ST14: variants seen among roughly 807,000 people sequenced by gnomAD.
The protein encoded by ST14 is suppressor of tumorigenicity 14 protein.
Under a neutral mutation model 96.5 loss-of-function variants are expected in ST14, and 40 were observed. The ratio of observed to expected loss-of-function variants is 0.41; its 90% CI spans 0.32 to 0.54. The LOEUF is 0.54. Ranked by LOEUF, ST14 falls within the 20% of genes least tolerant of loss-of-function variation. The pLI is 0.17. For synonymous variants in ST14, 506 were observed against 492.1 expected (o/e 1.03, Z -0.37); for missense variants, 1,066 against 1,188.9 (o/e 0.90, Z 1.52).
Position 130,188,059 on chromosome 11 carries a change from G to C in ST14, c.82-55G>C, listed in dbSNP as rs2136211671. The C allele has an allele frequency of 4.4e-6, 7 of 1,601,102 alleles. No homozygotes were observed. Among genetic ancestry groups the C allele is most frequent in the Non-Finnish European group, 6.0e-6 (7 of 1,170,708 alleles). On this transcript the variant is annotated intron_variant, in intron 1 of 18. Transcript: ENST00000278742. The surrounding 1 kb of genome is among the most constrained non-coding windows in gnomAD (Gnocchi z 5.4). ...AAATGTGAACATCTTCCCCAGCGGG[G>C]TGCAGGGGAAGAGCGGGTGAGAGGG...
chr11:130,164,894 T>C (rs7123830), intron 1 of ST14, among the ~76,000 whole-genome samples: 1 of 151,780 alleles, frequency 6.6e-6, no homozygotes, highest in Non-Finnish European at 1.5e-5. Context: ...TGCACCACCA[T>C]GCACGGCTAA....
rs1434659578 is a variant in ST14 at position 130,194,707 on chromosome 11, A to C, written c.1083A>C (p.Pro361=). The stretch of plus-strand genomic sequence containing the variant: ...GCCCCTACTACCCAGGCCACTACCC[A>C]CCCAACATTGACTGCACATGGAACA... ...FNSPYYPGHY[P]PNIDCTWNIE... Residue 361 remains proline, a synonymous_variant, in exon 9 of 19, where the codon CCA becomes CCC. Transcript: ENST00000278742. 1 of 1,613,982 alleles carries C rather than the reference A, an allele frequency of 6.2e-7. No individual in the cohort carries two copies. Among genetic ancestry groups the C allele is most frequent in the Non-Finnish European group, 8.5e-7 (1 of 1,180,002 alleles).
chr11:130,166,424 G>T (rs116288760), intron 1 of ST14, among the ~76,000 whole-genome samples: 15 of 152,314 alleles, frequency 9.8e-5, no homozygotes, highest in African/African-American at 3.4e-4. Context: ...TGTGCCTAAG[G>T]GGGGGTCTGT....
chr11:130,194,813 TG>T (rs1953342281), intron 9 of ST14, 76 bp downstream of exon 9: 1 of 1,363,708 alleles, frequency 7.3e-7, no homozygotes, highest in South Asian at 1.2e-5. Flanking sequence ...CCTGTGCAGA[TG>T]TGTGTGGATG....
intron 16 of ST14, among the ~76,000 whole-genome samples, chr11:130,208,088 TAAATA>T (rs972037559): frequency 1.4e-4 from 22 of 152,224 alleles, no homozygotes; most frequent in Non-Finnish European, 2.4e-4. Flanking sequence ...AATAAATAAA[TAAATA>T]AATTATTTGG....
chr11:130,171,660 A>G lies in ST14; in HGVS notation c.81+11600A>G, dbSNP rs150416513. Reference sequence around the variant, plus strand: ...ACAAGGTCAGACTTTTATTGATGCAATTTCAATCATAAACACCACTAGCCA... The same window carrying G: ...ACAAGGTCAGACTTTTATTGATGCAGTTTCAATCATAAACACCACTAGCCA... On this transcript the variant is annotated intron_variant, in intron 1 of 18. Coordinates refer to ENST00000278742, the MANE Select transcript of ST14 (RefSeq NM_021978.4). Among the ~76,000 whole-genome samples, 12 of 152,204 alleles carry G rather than the reference A, an allele frequency of 7.9e-5. No individual in the cohort carries two copies. In the East Asian group the frequency reaches 2.3e-3, roughly 29 times the overall value.
chr11:130,195,971 A>G (rs560802928), intron 9 of ST14, among the ~76,000 whole-genome samples: 3 of 152,112 alleles, frequency 2.0e-5, no homozygotes, highest in Non-Finnish European at 4.4e-5. Context: ...AGCCTGACCA[A>G]CATGGTGAAA....
chr11:130,164,000 TG>T (rs1953022668), intron 1 of ST14, among the ~76,000 whole-genome samples: 1 of 152,208 alleles, frequency 6.6e-6, no homozygotes, highest in Non-Finnish European at 1.5e-5. Context: ...TGCCTACTGC[TG>T]TGGCCAGTGG....
chr11:130,206,049 T>C (rs995830152), intron 16 of ST14, among the ~76,000 whole-genome samples: 1 of 152,224 alleles, frequency 6.6e-6, no homozygotes, highest in Non-Finnish European at 1.5e-5. Context: ...GGTCACGCCT[T>C]GTATTTAGTC....
chr11:130,198,454 T>G (rs1591893118), intron 13 of ST14, 36 bp downstream of exon 13: 2 of 1,606,964 alleles, frequency 1.2e-6, no homozygotes, highest in African/African-American at 2.7e-5. Flanking sequence ...GGCGGGCAGG[T>G]GGGCGGGGCG....
chr11:130,200,585 C>T (rs978771302), intron 16 of ST14, among the ~76,000 whole-genome samples: 4 of 152,222 alleles, frequency 2.6e-5, no homozygotes, highest in Non-Finnish European at 4.4e-5. Context: ...CACGCCCCAC[C>T]TCCAACACTG....
chr11:130,164,538 C>A (rs941720458), intron 1 of ST14, among the ~76,000 whole-genome samples: 2 of 151,604 alleles, frequency 1.3e-5, no homozygotes, highest in African/African-American at 4.9e-5. Flanking sequence ...CCTGCCTCAG[C>A]TTTCTCAGTA....
At chr11:130,208,349 C>T (rs945949114) in intron 16 of ST14, 61 bp from the exon 17 acceptor site, 26 of 1,611,236 alleles carry the variant, frequency 1.6e-5, no homozygotes, top group Non-Finnish European at 2.2e-5. Context: ...CGCGCGGGGC[C>T]GCGAGGCCGT....
chr11:130,182,620 G>A (rs1190350916), intron 1 of ST14, among the ~76,000 whole-genome samples: 2 of 150,218 alleles, frequency 1.3e-5, no homozygotes, highest in Non-Finnish European at 3.0e-5. Flanking sequence ...GTGCAAGTGT[G>A]AGCCACCATG....
rs572639842 is a variant in ST14, at chr11:130,196,928, C to T, written c.1354+228C>T. 1.3e-5 allele frequency: 8 copies of T among 625,944 alleles called. No homozygotes were observed. In the South Asian group the frequency reaches 1.3e-4, roughly 10 times the overall value. 38.8% of individuals were successfully genotyped at this position (625,944 alleles called of 1,614,324 possible). On this transcript the variant is annotated intron_variant, in intron 11 of 18. Coordinates refer to ENST00000278742, the MANE Select transcript of ST14 (RefSeq NM_021978.4). The stretch of plus-strand genomic sequence containing the variant: ...CACTGTGTCCTTCTGGGTTGCAGTC[C>T]CAGCATGAGGTACCTGCGGCTGGAG...
chr11:130,197,622 A>C (rs1485250249), intron 11 of ST14, among the ~76,000 whole-genome samples: 1 of 152,176 alleles, frequency 6.6e-6, no homozygotes, highest in Non-Finnish European at 1.5e-5. Flanking sequence ...CTGCCAGCCC[A>C]GGTTGGGGTC....
In ST14 at chr11:130,188,829, C is replaced by A. The variant is rs376181098; in HGVS notation, c.370-40C>A. Reference sequence around the variant, plus strand: ...CAGCCCGGGCTTGGGGCAGGGTCATCGCCGCATGGGGCTCACCTTGAGTCT... The same window carrying A: ...CAGCCCGGGCTTGGGGCAGGGTCATAGCCGCATGGGGCTCACCTTGAGTCT... On this transcript the variant is annotated intron_variant, in intron 3 of 18. Transcript: ENST00000278742. This position sits in a 1 kb window ranked among gnomAD's most constrained non-coding sequence, Gnocchi z 5.4. 5 of 1,607,022 alleles carry A rather than the reference C, an allele frequency of 3.1e-6. No homozygotes were observed. Among genetic ancestry groups the A allele is most frequent in the East Asian group, 4.5e-5 (2 of 44,712 alleles).
intron 1 of ST14, among the ~76,000 whole-genome samples, chr11:130,178,649 T>C (rs1453304132): frequency 6.6e-6 from 1 of 152,202 alleles, no homozygotes; most frequent in Non-Finnish European, 1.5e-5. Context: ...ACTTGTGGTT[T>C]ACTTCCTTCA....
At chr11:130,198,889 C>T (rs1953398260) in intron 14 of ST14, 58 bp from the exon 15 acceptor site, 1 of 1,611,648 alleles carries the variant, frequency 6.2e-7, no homozygotes, top group African/African-American at 1.3e-5. Flanking sequence ...TGGTTTCTGG[C>T]TTCTGGTCGG....
Sources: gnomAD v4.1 joint callset for allele counts (sites outside exome capture counted in the v4.1 genomes callset) on GRCh38, gnomAD v4.1.1 for gene constraint, Gnocchi (gnomAD v3.1) non-coding constraint, MANE v1.5 for transcripts, NCBI Gene and HGNC (gene_info 2026-07-23, HGNC 2026-07-21) for gene names.